ADAM9: variants seen among roughly 807,000 people sequenced by gnomAD.
ADAM9 encodes disintegrin and metalloproteinase domain-containing protein 9.
Under a neutral mutation model 108.1 loss-of-function variants are expected in ADAM9, and 54 were observed. The ratio of observed to expected loss-of-function variants is 0.50; its 90% CI spans 0.40 to 0.63. The LOEUF (loss-of-function observed/expected upper bound fraction) is 0.63, where lower values mean the gene tolerates loss of function less well. ADAM9 is among the 20% of genes least tolerant of loss of function. The probability of loss-of-function intolerance (pLI) is 0.00; values close to 1 mark genes in which losing one functional copy is unlikely to be tolerated. For missense variants in ADAM9, 830 were observed against 997.7 expected, an observed-to-expected ratio of 0.83 and a Z score of 2.26; for synonymous variants, 316 against 336.0, an observed-to-expected ratio of 0.94 and a Z score of 0.65.
intron 11 of ADAM9, among the ~76,000 whole-genome samples, chr8:39,038,698 T>C (rs964850133): frequency 4.6e-5 from 7 of 152,180 alleles, no homozygotes; most frequent in Admixed American, 4.6e-4. Context: ...ATTCAGTAAA[T>C]ATTTGTTGAG....
chr8:39,075,880 A>T (rs958303926), intron 15 of ADAM9: 8 of 152,234 alleles, frequency 5.3e-5, no homozygotes, highest in African/African-American at 1.7e-4. Context: ...GAAGCTCAGA[A>T]AATGTAAGCA....
chr8:39,004,911 T>C (rs1836113301), intron 1 of ADAM9, among the ~76,000 whole-genome samples: 1 of 152,226 alleles, frequency 6.6e-6, no homozygotes, highest in African/African-American at 2.4e-5. Flanking sequence ...AGCTGGCTTC[T>C]TTACCGCAAA....
chr8:39,014,974 A>G (rs1836480517), intron 4 of ADAM9: 1 of 160,200 alleles, frequency 6.2e-6, no homozygotes, highest in Non-Finnish European at 1.4e-5. Flanking sequence ...ACCTTACAGC[A>G]TAAACCAGAT....
At chr8:39,077,463 T>A in intron 16 of ADAM9, 52 bp downstream of exon 16, 3 of 1,479,562 alleles carry the variant, frequency 2.0e-6, no homozygotes, top group Non-Finnish European at 2.8e-6. Context: ...ATTAAAAAAA[T>A]TATTATACAT....
chr8:39,062,072 A>G (rs982519508), intron 14 of ADAM9, among the ~76,000 whole-genome samples: 2 of 152,082 alleles, frequency 1.3e-5, no homozygotes, highest in Non-Finnish European at 2.9e-5. Flanking sequence ...TCATGATCCC[A>G]CCTAACTCTG....
intron 16 of ADAM9, among the ~76,000 whole-genome samples, chr8:39,081,716 G>C (rs1839029676): frequency 6.6e-6 from 1 of 152,160 alleles, no homozygotes. Flanking sequence ...GTATTTTTTA[G>C]AGTGGTAAGG....
At chr8:39,000,354 G>A (rs551248471) in intron 1 of ADAM9, among the ~76,000 whole-genome samples, 118 of 152,178 alleles carry the variant, frequency 7.8e-4, no homozygotes, top group African/African-American at 2.8e-3. Context: ...GCACAATGTT[G>A]TTTGTATATT....
intron 18 of ADAM9, among the ~76,000 whole-genome samples, chr8:39,085,215 T>C (rs1839148865): frequency 6.6e-6 from 1 of 152,186 alleles, no homozygotes; most frequent in African/African-American, 2.4e-5. Flanking sequence ...TGTCTTGATA[T>C]TTTCCATCAG....
chr8:39,012,607 T>C (rs562532172), intron 3 of ADAM9, among the ~76,000 whole-genome samples: 12 of 152,332 alleles, frequency 7.9e-5, no homozygotes, highest in African/African-American at 2.9e-4. Context: ...CATGGAATAC[T>C]ATGCAGCCAT....
chr8:39,077,339 G>A lies in ADAM9; in HGVS notation c.1809G>A (p.Val603=). The change falls in exon 16 of 22, where the codon GTG becomes GTA. Residue 603 remains valine, a synonymous_variant. Transcript: ENST00000487273. ...GTCGAGGCACCAAATGTTGGGGTGT[G>A]GATTTCCAGCTAGGATCAGATGTTC... ...TPSRGTKCWG[V]DFQLGSDVPD... is the part of the protein sequence containing the mutation. 8.7e-6 allele frequency: 14 copies of A among 1,613,916 alleles called. No homozygotes were observed. Among genetic ancestry groups the A allele is most frequent in the Non-Finnish European group, 1.2e-5 (14 of 1,179,928 alleles).
In ADAM9 at chr8:39,101,874, A is replaced by C. The variant is rs760653123; in HGVS notation, c.2310A>C (p.Ala770=). 6.2e-7 allele frequency: 1 copy of C among 1,613,406 alleles called. No homozygotes were observed. Among genetic ancestry groups the C allele is most frequent in the Non-Finnish European group, 8.5e-7 (1 of 1,179,454 alleles). Residue 770 remains alanine, a synonymous_variant, in exon 21 of 22, where the codon GCA becomes GCC. Transcript: ENST00000487273. ...TTTTTTCTTTTTAGCCTATATATGC[A>C]AACAGATTTGCAGTACCAACCTATG... ...VTPPREVPIY[A]NRFAVPTYAA... is the part of the protein sequence containing the mutation.
chr8:39,042,971 T>C (rs2129436426), intron 12 of ADAM9, among the ~76,000 whole-genome samples: 2 of 152,328 alleles, frequency 1.3e-5, no homozygotes, highest in East Asian at 3.9e-4. Context: ...TTTTATGAAC[T>C]TGACTATTTT....
chr8:39,043,934 A>G (rs1837532392), intron 12 of ADAM9, among the ~76,000 whole-genome samples: 1 of 152,144 alleles, frequency 6.6e-6, no homozygotes, highest in South Asian at 2.1e-4. Flanking sequence ...ATTTTAAATC[A>G]GGTTATTAGT....
chr8:39,095,430 TG>T (rs2129443437), intron 20 of ADAM9, among the ~76,000 whole-genome samples: 1 of 152,344 alleles, frequency 6.6e-6, no homozygotes, highest in Admixed American at 6.5e-5. Flanking sequence ...TTAATTTTCA[TG>T]TATTTGTGAC....
intron 1 of ADAM9, among the ~76,000 whole-genome samples, chr8:38,997,617 A>G (rs1439351785): frequency 3.9e-5 from 6 of 152,212 alleles, no homozygotes; most frequent in Non-Finnish European, 1.5e-5. Flanking sequence ...AGACTGAGAG[A>G]TGAAACTTTT....
intron 20 of ADAM9, among the ~76,000 whole-genome samples, chr8:39,093,839 G>A (rs139381607): frequency 5.3e-5 from 8 of 152,174 alleles, no homozygotes; most frequent in African/African-American, 1.2e-4. Context: ...GCACGATCTC[G>A]GCTTACTGCA....
intron 20 of ADAM9, among the ~76,000 whole-genome samples, chr8:39,096,321 TGTGCA>T (rs1315065636): frequency 2.6e-5 from 4 of 151,718 alleles, no homozygotes; most frequent in East Asian, 1.9e-4. Context: ...CATTTTCCTT[TGTGCA>T]TATTCTATAG....
chr8:39,023,450 G>C, intron 9 of ADAM9, 125 bp downstream of exon 9: 1 of 964,462 alleles, frequency 1.0e-6, no homozygotes, highest in Non-Finnish European at 1.5e-6. Flanking sequence ...GGAAAACTTA[G>C]CTTGATGTGG....
At chr8:39,036,193 G>A (rs1041056575) in intron 11 of ADAM9, among the ~76,000 whole-genome samples, 1 of 152,196 alleles carries the variant, frequency 6.6e-6, no homozygotes. Context: ...GTATTCTTAT[G>A]CATTGCTGTT....
Sources: allele counts gnomAD v4.1 joint callset (sites outside exome capture counted in the v4.1 genomes callset), GRCh38; gene constraint gnomAD v4.1.1; transcripts MANE v1.5; gene names NCBI Gene and HGNC (gene_info 2026-07-23, HGNC 2026-07-21).